Variants in ERI1 observed in about 807,000 individuals in gnomAD.
ERI1 encodes the protein exoribonuclease 1.
Under a neutral mutation model 39.7 loss-of-function variants are expected in ERI1, and 39 were observed. The ratio of observed to expected loss-of-function variants is 0.98; its 90% CI spans 0.76 to 1.28. ERI1 has a LOEUF of 1.28. Among genes scored for constraint, ERI1 ranks in the 50% most tolerant of loss-of-function variants. ERI1 has a pLI of 0.00. For synonymous variants in ERI1, 204 were observed against 149.6 expected, an observed-to-expected ratio of 1.36 and a Z score of -2.65; for missense variants, 581 against 416.9, an observed-to-expected ratio of 1.39 and a Z score of -3.43.
chr8:9,059,837 T>C (rs1465641146), intron 3 of ERI1, among the ~76,000 whole-genome samples: 1 of 152,042 alleles, frequency 6.6e-6, no homozygotes, highest in Admixed American at 6.6e-5. Context: ...TAGTTGAGAA[T>C]GGTGAATAGG....
At chr8:9,064,966 C>G (rs55906846) in intron 3 of ERI1, among the ~76,000 whole-genome samples, 5,912 of 152,180 alleles carry the variant, frequency 0.039, 185 homozygotes, top group Non-Finnish European at 0.062. Context: ...GGGTTGTTCT[C>G]TGGCAGGAAG....
intron 2 of ERI1, among the ~76,000 whole-genome samples, chr8:9,008,571 TTTTTTG>T (rs1006302018): frequency 4.6e-5 from 7 of 151,520 alleles, no homozygotes; most frequent in African/African-American, 1.7e-4. Context: ...AACAGGAATA[TTTTTTG>T]TTTTAATTTC....
intron 3 of ERI1, among the ~76,000 whole-genome samples, chr8:9,068,953 G>T (rs1252166105): frequency 1.3e-5 from 2 of 152,072 alleles, no homozygotes; most frequent in Non-Finnish European, 2.9e-5. Flanking sequence ...TAGTAGCTGG[G>T]ACTACAGGTG....
At chr8:9,005,887 C>T (rs565671225) in intron 1 of ERI1, among the ~76,000 whole-genome samples, 1 of 152,292 alleles carries the variant, frequency 6.6e-6, no homozygotes, top group South Asian at 2.1e-4. Context: ...GTAAAAGCTT[C>T]TCTTATTTGA....
rs575909988 is a variant in ERI1, at chr8:9,064,285, G to C, written n.299+43821G>C. Among the ~76,000 whole-genome samples the C allele has an allele frequency of 1.9e-3, 287 of 152,028 alleles. 1 individual carries two copies. The highest frequency in any genetic ancestry group is 6.5e-3 in the African/African-American group (270 of 41,462). On this transcript the variant is annotated intron_variant and non_coding_transcript_variant, in intron 3 of 3. Transcript: ENST00000518663. ...CCCAGAAAAGCAGAGAAGGGGTGGA[G>C]ACATGGAGAGAAGGAGTTGGGGGGT...
In ERI1 at chr8:9,007,345, CTT is replaced by C. The variant is rs551401536; in HGVS notation, c.109-623_109-622del. ...TTTTATGTTGGGCAATTTTTGTTAACTTTGTGAAATGAAGTCAGGTTAAAAAA... is the reference window on the plus strand; with the variant it reads ...TTTTATGTTGGGCAATTTTTGTTAACTGTGAAATGAAGTCAGGTTAAAAAA... On this transcript the variant is annotated intron_variant, in intron 1 of 6. Coordinates refer to ENST00000250263, the MANE Select transcript of ERI1 (RefSeq NM_153332.4). 1.2e-4 allele frequency among the ~76,000 whole-genome samples: 18 copies of C among 152,174 alleles called. No homozygotes were observed. The South Asian group carries it at 3.1e-3, about 26-fold the overall frequency.
intron 3 of ERI1, among the ~76,000 whole-genome samples, chr8:9,084,989 C>T (rs1290824017): frequency 1.3e-5 from 2 of 152,152 alleles, no homozygotes; most frequent in Non-Finnish European, 2.9e-5. Flanking sequence ...CATCCCCCTC[C>T]AGCCCACCAA....
Position 9,011,649 on chromosome 8 carries a change from T to G in ERI1, c.395T>G (p.Ile132Ser). ...FADSYYDYIC[I>S]IDFEATCEEG... is the part of the protein sequence containing the mutation. ...GACAGTTATTATGACTACATTTGTA[T>G]TATTGACTTTGAAGCCACTTGTGAA... The change falls in exon 3 of 7, where the codon ATT becomes AGT. Residue 132 changes from isoleucine to serine, a missense_variant. Coordinates refer to ENST00000250263, the MANE Select transcript of ERI1 (RefSeq NM_153332.4). 6.2e-7 allele frequency: 1 copy of G among 1,613,646 alleles called. No homozygotes were observed.
chr8:9,054,960 A>G (rs546309620), intron 3 of ERI1, among the ~76,000 whole-genome samples: 2 of 152,278 alleles, frequency 1.3e-5, no homozygotes, highest in South Asian at 4.1e-4. Flanking sequence ...AAATCAACAC[A>G]TAATAAATAG....
intron 3 of ERI1, among the ~76,000 whole-genome samples, chr8:9,041,182 C>G (rs571369803): frequency 2.0e-5 from 3 of 152,274 alleles, no homozygotes; most frequent in Admixed American, 1.3e-4. Context: ...TGTGGGAATT[C>G]CAAGCAACAA....
At chr8:9,027,136 G>GGTTGT (rs1554519659) in intron 6 of ERI1, among the ~76,000 whole-genome samples, 54 of 137,598 alleles carry the variant, frequency 3.9e-4, no homozygotes, top group Admixed American at 1.1e-3. Flanking sequence ...GTTATTTTCT[G>GGTTGT]GTGTGTGTGT....
chr8:9,016,548 T>TA (rs367694054), intron 4 of ERI1, 143 bp downstream of exon 4: 33,333 of 329,364 alleles, frequency 0.1, 21 homozygotes, highest in East Asian at 0.15. Flanking sequence ...TTGTAATAAT[T>TA]AAAAAAAAAA....
At chr8:9,019,037 A>T (rs1243954602) in intron 5 of ERI1, among the ~76,000 whole-genome samples, 1 of 152,200 alleles carries the variant, frequency 6.6e-6, no homozygotes, top group East Asian at 1.9e-4. Context: ...TTTTGCAAGG[A>T]AATCTAAAAT....
At chr8:9,082,554 G>T (rs921935394) in intron 3 of ERI1, among the ~76,000 whole-genome samples, 1 of 152,180 alleles carries the variant, frequency 6.6e-6, no homozygotes, top group Non-Finnish European at 1.5e-5. Context: ...GCAACAGCAG[G>T]AATGATCTGT....
chr8:9,032,815 T>G lies in ERI1; in HGVS notation c.*2781T>G, dbSNP rs567488758. ...TCAAGATAATAATGCATGTTTGGCCTCAGCTGTAGTTGCCAAAGAAACTAC... is the reference window on the plus strand; with the variant it reads ...TCAAGATAATAATGCATGTTTGGCCGCAGCTGTAGTTGCCAAAGAAACTAC... On this transcript the variant is annotated 3_prime_UTR_variant, in exon 7 of 7. Transcript: ENST00000250263. The G allele has an allele frequency of 6.6e-6, 1 of 152,282 alleles. No individual in the cohort carries two copies. Among genetic ancestry groups the G allele is most frequent in the African/African-American group, 2.4e-5 (1 of 41,556 alleles). 9.4% of individuals were successfully genotyped at this position (152,282 alleles called of 1,614,324 possible). A position where few individuals can be genotyped will look rare whatever the true frequency, so the allele number is the denominator to read the frequency against.
intron 3 of ERI1, among the ~76,000 whole-genome samples, chr8:9,057,714 C>A (rs1359388082): frequency 6.6e-6 from 1 of 152,040 alleles, no homozygotes; most frequent in Non-Finnish European, 1.5e-5. Flanking sequence ...AAAAGATGTT[C>A]ATTGCTTTAG....
intron 3 of ERI1, among the ~76,000 whole-genome samples, chr8:9,075,978 A>G (rs934075240): frequency 6.6e-6 from 1 of 151,860 alleles, no homozygotes; most frequent in Non-Finnish European, 1.5e-5. Context: ...CCCAGGCTGG[A>G]GTGCAGTGGC....
intron 3 of ERI1, chr8:9,091,654 G>T (rs1799709080): frequency 6.6e-6 from 1 of 152,168 alleles, no homozygotes; most frequent in South Asian, 2.1e-4. Context: ...AAATTTGACT[G>T]TGGTTCTTAG....
intron 3 of ERI1, among the ~76,000 whole-genome samples, chr8:9,066,365 G>A (rs1480224202): frequency 1.3e-5 from 2 of 152,202 alleles, no homozygotes; most frequent in Admixed American, 6.5e-5. Flanking sequence ...CGGGCTCCCC[G>A]GTGATCCCAT....
Sources: gnomAD v4.1 joint callset for allele counts (sites outside exome capture counted in the v4.1 genomes callset) on GRCh38, gnomAD v4.1.1 for gene constraint, MANE v1.5 for transcripts, NCBI Gene and HGNC (gene_info 2026-07-23, HGNC 2026-07-21) for gene names.